Variants in RGS1 observed in about 807,000 individuals in gnomAD.
The protein encoded by RGS1 is regulator of G protein signaling 1.
RGS1 carries 11 observed loss-of-function variants against 22.2 expected under a neutral mutation model. The ratio of observed to expected loss-of-function variants is 0.50; its 90% CI spans 0.31 to 0.82. The LOEUF is 0.82. Among genes scored for constraint, RGS1 ranks in the 40% least tolerant of loss-of-function variants. The pLI is 0.04. For missense variants in RGS1, 255 were observed against 245.8 expected (o/e 1.04, Z -0.25); for synonymous variants, 81 against 79.9 (o/e 1.01, Z -0.07).
rs766595403 is a variant in RGS1 at position 192,578,332 on chromosome 1, T to A, written c.391T>A (p.Cys131Ser). 6.2e-7 allele frequency: 1 copy of A among 1,613,086 alleles called. No homozygotes were observed. The highest frequency in any genetic ancestry group is 1.7e-5 in the Admixed American group (1 of 59,906). ...GAAAACAGAGTCTGATCTTTTGCCCTGTAAAGCAGAAGAGATATATAAAGC... is the reference window on the plus strand; with the variant it reads ...GAAAACAGAGTCTGATCTTTTGCCCAGTAAAGCAGAAGAGATATATAAAGC... ...YKKTESDLLP[C>S]KAEEIYKAFV... Residue 131 changes from cysteine (C) to serine (S), a missense_variant, in exon 4 of 5, where the codon TGT becomes AGT. Physicochemically the swap from Cys to Ser is moderately radical, Grantham distance 112 (BLOSUM62 -1). Transcript: ENST00000367459.
At chr1:192,576,449 T>G in intron 2 of RGS1, 84 bp downstream of exon 2, 9 of 956,828 alleles carry the variant, frequency 9.4e-6, no homozygotes, top group Non-Finnish European at 1.5e-5. Context: ...AAGGGATAAA[T>G]ACTGCGCACA....
At chr1:192,576,481 T>C (rs530912821) in intron 2 of RGS1, 116 bp downstream of exon 2, 14 of 734,878 alleles carry the variant, frequency 1.9e-5, no homozygotes, top group Middle Eastern at 2.6e-4. Context: ...TTCTTTTAAG[T>C]AACATGCCAA....
intron 1 of RGS1, 88 bp downstream of exon 1, chr1:192,576,017 G>A: frequency 6.7e-7 from 1 of 1,496,048 alleles, no homozygotes; most frequent in Non-Finnish European, 9.2e-7. Flanking sequence ...GAGAGTGTGA[G>A]CATTTAGTTT....
chr1:192,578,716 A>G (rs991572469), intron 4 of RGS1: 1 of 445,190 alleles, frequency 2.2e-6, no homozygotes, highest in Non-Finnish European at 3.9e-6. Context: ...GCAGATTAGC[A>G]TAATGTATAC....
At chr1:192,576,726 C>T (rs1433149900) in intron 2 of RGS1, 48 bp from the exon 3 acceptor site, 3 of 1,498,882 alleles carry the variant, frequency 2.0e-6, no homozygotes, top group South Asian at 1.2e-5. Context: ...TTCATTTGTG[C>T]TTACATTTTA....
At position 192,575,868 on chromosome 1, in the gene RGS1, T is replaced by A. The variant is rs146894683; in HGVS notation, c.76T>A (p.Leu26Met). 3 of 1,613,274 alleles carry A rather than the reference T, an allele frequency of 1.9e-6. No homozygotes were observed. The African/African-American group carries it at 4.0e-5, about 22-fold the overall frequency. ...GMFFSANPKELKGTTHSLLDD... is the reference protein window; with the variant it reads ...GMFFSANPKEMKGTTHSLLDD... ...GTTCTTCTCTGCTAACCCAAAGGAA[T>A]TGAAAGGAACCACTCATTCACTTCT... The change falls in exon 1 of 5, where the codon TTG (leucine) becomes ATG (methionine). Residue 26 changes from leucine to methionine, a missense_variant. Leu to Met is a conservative substitution (Grantham distance 15). Transcript: ENST00000367459.
rs548491400 is a variant in RGS1 at position 192,578,581 on chromosome 1, AAG to A, written c.444+200_444+201del. The A allele has an allele frequency of 6.6e-4, 433 of 652,942 alleles. 3 individuals carry two copies. In the African/African-American group the frequency reaches 7.4e-3, roughly 11 times the overall value. 40.4% of individuals were successfully genotyped at this position (652,942 alleles called of 1,614,324 possible). ...GTGAGGGTTTCAGCACAGTAGAATAAAGAGACTGATTTTACAAAACCAGCTGC... is the reference window on the plus strand; with the variant it reads ...GTGAGGGTTTCAGCACAGTAGAATAAAGACTGATTTTACAAAACCAGCTGC... On this transcript the variant is annotated intron_variant, in intron 4 of 4. Transcript: ENST00000367459.
At chr1:192,578,832 A>G in intron 4 of RGS1, 1 of 367,216 alleles carries the variant, frequency 2.7e-6, no homozygotes, top group Non-Finnish European at 4.8e-6. Context: ...TGTAAATCTT[A>G]AATGCCTACA....
intron 3 of RGS1, 151 bp from the exon 4 acceptor site, chr1:192,578,071 C>G: frequency 1.1e-6 from 1 of 912,572 alleles, no homozygotes; most frequent in Non-Finnish European, 1.6e-6. Context: ...TCTCTACAAT[C>G]TATAACACAG....
intron 3 of RGS1, 72 bp from the exon 4 acceptor site, chr1:192,578,150 C>T (rs1662096238): frequency 6.6e-7 from 1 of 1,520,394 alleles, no homozygotes; most frequent in South Asian, 1.3e-5. Flanking sequence ...TTACAAATTT[C>T]TTCTTCAAAT....
chr1:192,578,542 A>G (rs1245614112), intron 4 of RGS1, 157 bp downstream of exon 4: 1 of 809,822 alleles, frequency 1.2e-6, no homozygotes, highest in Non-Finnish European at 1.9e-6. Flanking sequence ...ATGAGAATCT[A>G]ATTTTCTATA....
At position 192,575,845 on chromosome 1, in the gene RGS1, T is replaced by C; in HGVS notation, c.53T>C (p.Phe18Ser). The change falls in exon 1 of 5, where the codon TTC becomes TCC. Residue 18 changes from phenylalanine (F) to serine (S), a missense_variant. Coordinates refer to ENST00000367459, the MANE Select transcript of RGS1 (RefSeq NM_002922.4). ...AAGTTAGACAAAATGCCAGGAATGTTCTTCTCTGCTAACCCAAAGGAATTG... is the reference window on the plus strand; with the variant it reads ...AAGTTAGACAAAATGCCAGGAATGTCCTTCTCTGCTAACCCAAAGGAATTG... ...TPKLDKMPGM[F>S]FSANPKELKG... 2 of 1,613,470 alleles carry C rather than the reference T, an allele frequency of 1.2e-6. No individual in the cohort carries two copies. The highest frequency in any genetic ancestry group is 1.7e-6 in the Non-Finnish European group (2 of 1,179,514).
chr1:192,578,108 C>G (rs1662096019), intron 3 of RGS1, 114 bp from the exon 4 acceptor site: 5 of 1,264,116 alleles, frequency 4.0e-6, no homozygotes, highest in Non-Finnish European at 5.5e-6. Flanking sequence ...TGTCTCTTAC[C>G]TTTGTATGAA....
In RGS1 at chr1:192,579,389, C is replaced by T; in HGVS notation, c.*67C>T. ...CAGAAGGAATGTGCCAGTATGGCTC[C>T]CTGGGTGAACAGCTTGGCCTTTTTT... On this transcript the variant is annotated 3_prime_UTR_variant, in exon 5 of 5. Coordinates refer to ENST00000367459, the MANE Select transcript of RGS1 (RefSeq NM_002922.4). 6.7e-7 allele frequency: 1 copy of T among 1,485,488 alleles called. No homozygotes were observed. The highest frequency in any genetic ancestry group is 2.3e-5 in the East Asian group (1 of 43,406). 92.0% of individuals were successfully genotyped at this position (1,485,488 alleles called of 1,614,324 possible).
chr1:192,579,981 C>T lies in RGS1; in HGVS notation c.*659C>T, dbSNP rs1184747537. On this transcript the variant is annotated 3_prime_UTR_variant, in exon 5 of 5. Coordinates refer to ENST00000367459, the MANE Select transcript of RGS1 (RefSeq NM_002922.4). ...TGTCCTTGCTACTTTTAAAAACTTG[C>T]ATTTATTCCTCAGATTTTAAAAATA... 1 of 152,028 alleles carries T rather than the reference C, an allele frequency of 6.6e-6. No individual in the cohort carries two copies. The highest frequency in any genetic ancestry group is 1.5e-5 in the Non-Finnish European group (1 of 67,982). The allele number at this position is 152,028 out of a possible 1,614,324, so 9.4% of individuals were successfully genotyped here.
In RGS1 at chr1:192,575,930, G is replaced by T; in HGVS notation, c.137+1G>T. 6.2e-7 allele frequency: 1 copy of T among 1,612,698 alleles called. No homozygotes were observed. Among genetic ancestry groups the T allele is most frequent in the South Asian group, 1.1e-5 (1 of 91,014 alleles). On this transcript the variant is annotated splice_donor_variant, in intron 1 of 4. Coordinates refer to ENST00000367459, the MANE Select transcript of RGS1 (RefSeq NM_002922.4). LOFTEE classifies it high-confidence loss of function. ...TGCAAAAAAGGAGGCCAAAGACTTT[G>T]TAAGTTTGTTCAGAGTCTCACTTTG...
chr1:192,577,997 T>C (rs933323996), intron 3 of RGS1: 7 of 532,480 alleles, frequency 1.3e-5, no homozygotes, highest in Non-Finnish European at 1.9e-5. Context: ...AATGTGACTA[T>C]GAATGAGTTT....
chr1:192,576,281 G>A lies in RGS1; in HGVS notation c.138-4G>A, dbSNP rs1236110477. 6.3e-7 allele frequency: 1 copy of A among 1,590,370 alleles called. No individual in the cohort carries two copies. Reference sequence around the variant, plus strand: ...ATGAATATTCACTTTTATGTCTTTTGTAGTGGAATGGATATGAAAGCATAC... The same window carrying A: ...ATGAATATTCACTTTTATGTCTTTTATAGTGGAATGGATATGAAAGCATAC... On this transcript the variant is annotated splice_polypyrimidine_tract_variant and splice_region_variant and intron_variant, in intron 1 of 4. Coordinates refer to ENST00000367459, the MANE Select transcript of RGS1 (RefSeq NM_002922.4).
At chr1:192,577,416 A>G (rs1332110841) in intron 3 of RGS1, 1 of 152,090 alleles carries the variant, frequency 6.6e-6, no homozygotes, top group Non-Finnish European at 1.5e-5. Flanking sequence ...AAGGATTTTT[A>G]AGCACATATA....
Sources: gnomAD v4.1 joint callset for allele counts on GRCh38, gnomAD v4.1.1 for gene constraint, MANE v1.5 for transcripts, NCBI Gene and HGNC (gene_info 2026-07-23, HGNC 2026-07-21) for gene names.